Variants in SCRN1 observed in about 807,000 individuals in gnomAD.
The protein encoded by SCRN1 is secernin-1.
SCRN1 carries 19 observed loss-of-function variants against 43.3 expected under a neutral mutation model. The observed-to-expected ratio is 0.44, with a 90% confidence interval of 0.31 to 0.64. SCRN1 has a LOEUF of 0.64. SCRN1 is among the 30% of genes least tolerant of loss of function. The probability of loss-of-function intolerance (pLI) is 0.09; values close to 1 mark genes in which losing one functional copy is unlikely to be tolerated. For synonymous variants in SCRN1, 183 were observed against 188.9 expected (o/e 0.97, Z 0.26); for missense variants, 447 against 524.1 (o/e 0.85, Z 1.44).
intron 4 of SCRN1, among the ~76,000 whole-genome samples, chr7:29,943,544 A>ACACAGAT (rs1787627667): frequency 6.6e-6 from 1 of 152,192 alleles, no homozygotes; most frequent in Admixed American, 6.5e-5. Context: ...ACCGGTCCTC[A>ACACAGAT]CACAGATCTA....
intron 2 of SCRN1, among the ~76,000 whole-genome samples, chr7:29,957,419 G>A (rs1012193971): frequency 6.6e-6 from 1 of 152,170 alleles, no homozygotes; most frequent in African/African-American, 2.4e-5. Flanking sequence ...GCCCAGCTCT[G>A]CTTTTCCTCT....
chr7:29,974,158 A>G (rs1180527341), intron 1 of SCRN1, among the ~76,000 whole-genome samples: 1 of 152,190 alleles, frequency 6.6e-6, no homozygotes, highest in African/African-American at 2.4e-5. Context: ...ATTTTTACTG[A>G]TATAATCCCA....
At chr7:29,940,163 T>TAAAC (rs751347490) in intron 5 of SCRN1, among the ~76,000 whole-genome samples, 75 of 151,542 alleles carry the variant, frequency 4.9e-4, no homozygotes, top group African/African-American at 1.5e-3. Context: ...CCTGTCTCAA[T>TAAAC]AAACAAACAA....
intron 6 of SCRN1, among the ~76,000 whole-genome samples, chr7:29,928,441 A>C (rs376568076): frequency 4.6e-5 from 7 of 152,358 alleles, no homozygotes; most frequent in African/African-American, 1.7e-4. Context: ...CACTGATCAC[A>C]ATATGCAAAA....
Position 29,936,671 on chromosome 7 carries a change from C to T in SCRN1, c.790G>A (p.Gly264Arg), listed in dbSNP as rs758841869. Residue 264 changes from glycine (G) to arginine (R), a missense_variant, in exon 6 of 8, where the codon GGA (glycine) becomes AGA (arginine). Coordinates refer to ENST00000242059, the MANE Select transcript of SCRN1 (RefSeq NM_014766.5). ...AAAAACTCAGAGTCTATGCACACTCCGCTGGCTTTGTCCCGTAAGGTGTTC... is the reference window on the plus strand; with the variant it reads ...AAAAACTCAGAGTCTATGCACACTCTGCTGGCTTTGTCCCGTAAGGTGTTC... ...MMNTLRDKAS[G>R]VCIDSEFFLT... 7.5e-6 allele frequency: 12 copies of T among 1,596,306 alleles called. No individual in the cohort carries two copies. Among genetic ancestry groups the T allele is most frequent in the East Asian group, 2.3e-5 (1 of 44,408 alleles).
rs554751761 is a variant in SCRN1 at position 29,975,497 on chromosome 7, A to G, written c.-1-6429T>C. On this transcript the variant is annotated intron_variant, in intron 1 of 7. Coordinates refer to ENST00000242059, the MANE Select transcript of SCRN1 (RefSeq NM_014766.5). ...GGCCTTTTTGTGGTTTATGAAATCA[A>G]TTTAGTGGATAGGAACAAGTTTTTT... Among the ~76,000 whole-genome samples the G allele has an allele frequency of 2.0e-5, 3 of 152,314 alleles. No individual in the cohort carries two copies. In the East Asian group the frequency reaches 5.8e-4, roughly 29 times the overall value.
intron 1 of SCRN1, among the ~76,000 whole-genome samples, chr7:29,969,443 A>C (rs1788600559): frequency 6.6e-6 from 1 of 152,224 alleles, no homozygotes; most frequent in African/African-American, 2.4e-5. Context: ...AAATAAACAT[A>C]CCTTAAAACT....
Position 29,969,144 on chromosome 7 carries a change from T to C in SCRN1, c.-1-76A>G, listed in dbSNP as rs1055592750. 5.3e-6 allele frequency: 8 copies of C among 1,517,648 alleles called. No individual in the cohort carries two copies. The African/African-American group carries it at 9.6e-5, about 18-fold the overall frequency. The allele number at this position is 1,517,648 out of a possible 1,614,324, so 94.0% of individuals were successfully genotyped here. A position where few individuals can be genotyped will look rare whatever the true frequency, so the allele number is the denominator to read the frequency against. ...CCAACAGTGAGTTCTTCAAACATATTTCACCAGCTAAAAGGGTTTTACTAT... is the reference window on the plus strand; with the variant it reads ...CCAACAGTGAGTTCTTCAAACATATCTCACCAGCTAAAAGGGTTTTACTAT... On this transcript the variant is annotated intron_variant, in intron 1 of 7. Coordinates refer to ENST00000242059, the MANE Select transcript of SCRN1 (RefSeq NM_014766.5).
chr7:29,926,910 T>A (rs1310343771), intron 6 of SCRN1, among the ~76,000 whole-genome samples: 3 of 152,070 alleles, frequency 2.0e-5, no homozygotes, highest in African/African-American at 7.2e-5. Context: ...GAGAGGACTC[T>A]TTTAGCAATA....
intron 5 of SCRN1, among the ~76,000 whole-genome samples, chr7:29,939,081 A>AT (rs2128089334): frequency 6.6e-6 from 1 of 152,248 alleles, no homozygotes; most frequent in South Asian, 2.1e-4. Flanking sequence ...AATTAAAAAA[A>AT]TTTTGATTTT....
chr7:29,945,355 GT>G (rs1787702032), intron 3 of SCRN1, among the ~76,000 whole-genome samples: 1 of 152,174 alleles, frequency 6.6e-6, no homozygotes, highest in Non-Finnish European at 1.5e-5. Context: ...TGCTATTCTC[GT>G]GATAGTGAAT....
chr7:29,969,356 G>GTTA, intron 1 of SCRN1: 1 of 417,446 alleles, frequency 2.4e-6, no homozygotes, highest in Non-Finnish European at 4.4e-6. Context: ...AGGAAAGGAG[G>GTTA]TTATTGTTCT....
intron 6 of SCRN1, among the ~76,000 whole-genome samples, chr7:29,932,717 GACAC>G (rs1474458894): frequency 1.7e-5 from 2 of 118,136 alleles, no homozygotes; most frequent in South Asian, 5.5e-4. Context: ...GGAAACAAAA[GACAC>G]ACAGACATAC....
At chr7:29,988,327 G>C (rs1207272219) in intron 1 of SCRN1, among the ~76,000 whole-genome samples, 1 of 152,160 alleles carries the variant, frequency 6.6e-6, no homozygotes, top group Non-Finnish European at 1.5e-5. Flanking sequence ...AAACCGTAGA[G>C]TTTTAACTAG....
At chr7:29,980,010 G>A (rs945449243) in intron 1 of SCRN1, among the ~76,000 whole-genome samples, 1 of 152,142 alleles carries the variant, frequency 6.6e-6, no homozygotes, top group Non-Finnish European at 1.5e-5. Flanking sequence ...TACTCTAAGA[G>A]GTTATATTAT....
intron 6 of SCRN1, among the ~76,000 whole-genome samples, chr7:29,928,198 C>T (rs1030529389): frequency 6.6e-6 from 1 of 152,118 alleles, no homozygotes; most frequent in Non-Finnish European, 1.5e-5. Context: ...GCCAATAACC[C>T]TTGCCAGCCA....
chr7:29,928,945 C>T (rs1382700183), intron 6 of SCRN1, among the ~76,000 whole-genome samples: 5 of 152,196 alleles, frequency 3.3e-5, no homozygotes, highest in Non-Finnish European at 7.3e-5. Flanking sequence ...AGATGGAGGG[C>T]TCGCTGCAAT....
rs1787643186 is a variant in SCRN1, at chr7:29,943,964, C to T, written c.544+13G>A. On this transcript the variant is annotated intron_variant, in intron 4 of 7. Transcript: ENST00000242059. ...CCTGTCCTCAGAACTCTCCATCATCCACACCCACTCACCTGTGACTTTCTC... is the reference window on the plus strand; with the variant it reads ...CCTGTCCTCAGAACTCTCCATCATCTACACCCACTCACCTGTGACTTTCTC... The T allele has an allele frequency of 1.2e-6, 2 of 1,613,678 alleles. No individual in the cohort carries two copies. Among genetic ancestry groups the T allele is most frequent in the African/African-American group, 2.7e-5 (2 of 74,922 alleles).
rs1322935685 is a variant in SCRN1 at position 29,922,450 on chromosome 7, A to G, written c.*1507T>C. ...AACCCTGTCACTTCCCAGATTGCTG[A>G]TACTCACAATGTTTCCATTTGCAGA... On this transcript the variant is annotated 3_prime_UTR_variant, in exon 8 of 8. Coordinates refer to ENST00000242059, the MANE Select transcript of SCRN1 (RefSeq NM_014766.5). The G allele has an allele frequency of 6.6e-6, 1 of 152,210 alleles. No individual in the cohort carries two copies. The highest frequency in any genetic ancestry group is 1.5e-5 in the Non-Finnish European group (1 of 68,044). 9.4% of individuals were successfully genotyped at this position (152,210 alleles called of 1,614,324 possible).
Sources: gnomAD v4.1 joint callset for allele counts (sites outside exome capture counted in the v4.1 genomes callset) on GRCh38, gnomAD v4.1.1 for gene constraint, MANE v1.5 for transcripts, NCBI Gene and HGNC (gene_info 2026-07-23, HGNC 2026-07-21) for gene names.